Variants in C4orf50 observed in about 807,000 individuals in gnomAD.
The protein encoded by C4orf50 is uncharacterized protein C4orf50.
A neutral mutation model predicts 77.2 loss-of-function variants in C4orf50; 80 were observed. The ratio of observed to expected loss-of-function variants is 1.04; its 90% CI spans 0.87 to 1.25. The LOEUF (loss-of-function observed/expected upper bound fraction) is 1.25, where lower values mean the gene tolerates loss of function less well. Ranked by LOEUF, C4orf50 falls within the 50% of genes most tolerant of loss-of-function variation. The probability of loss-of-function intolerance (pLI) is 0.00; values close to 1 mark genes in which losing one functional copy is unlikely to be tolerated. For missense variants in C4orf50, 1,257 were observed against 1,152.9 expected (o/e 1.09, Z -1.31); for synonymous variants, 532 against 465.3 (o/e 1.14, Z -1.84).
chr4:5,910,132 T>C (rs1716739802), intron 7 of C4orf50, among the ~76,000 whole-genome samples: 1 of 152,156 alleles, frequency 6.6e-6, no homozygotes, highest in African/African-American at 2.4e-5. Context: ...GAGCTGAGAT[T>C]TTATACAAGA....
intron 7 of C4orf50, among the ~76,000 whole-genome samples, chr4:5,907,624 T>C (rs1337165222): frequency 6.6e-6 from 1 of 152,076 alleles, no homozygotes; most frequent in Non-Finnish European, 1.5e-5. Flanking sequence ...TCTGAGGAAA[T>C]CATCCAGAAT....
At chr4:5,966,648 T>C (rs1719584235) in intron 32 of C4orf50, among the ~76,000 whole-genome samples, 1 of 136,618 alleles carries the variant, frequency 7.3e-6, no homozygotes, top group Admixed American at 7.9e-5. Flanking sequence ...AAACATTCCA[T>C]ATCTTAAGAG....
chr4:6,004,348 A>ATGTGGTGG (rs1483893163), intron 25 of C4orf50, among the ~76,000 whole-genome samples: 4 of 97,950 alleles, frequency 4.1e-5, no homozygotes, highest in Non-Finnish European at 6.0e-5. Context: ...GATGGTGATG[A>ATGTGGTGG]TGACGGTGAT....
chr4:5,980,636 G>A (rs1175925467), intron 28 of C4orf50, among the ~76,000 whole-genome samples: 1 of 152,042 alleles, frequency 6.6e-6, no homozygotes, highest in African/African-American at 2.4e-5. Flanking sequence ...GGTGGGTGTT[G>A]GGGAGGGCCT....
rs1209019660 is a variant in C4orf50, at chr4:6,007,463, TC to T, written c.963+532del. Among the ~76,000 whole-genome samples the T allele has an allele frequency of 2.0e-5, 3 of 151,970 alleles. No individual in the cohort carries two copies. Among genetic ancestry groups the T allele is most frequent in the Non-Finnish European group, 2.9e-5 (2 of 68,004 alleles). On this transcript the variant is annotated intron_variant, in intron 25 of 33. Transcript: ENST00000531445. The surrounding 1 kb of genome is among the most constrained non-coding windows in gnomAD (Gnocchi z 4.1). ...CATCTGTGAACCAGGAAGCAGGCCC[TC>T]CCCCAACACCAAATCTGCTGGTGCC... is the stretch of plus-strand genomic sequence containing the variant.
In C4orf50 at chr4:5,900,238, C is replaced by CCCCAGCTGT. The variant is rs1474446592; in HGVS notation, c.*2475-2051_*2475-2050insACAGCTGGG. On this transcript the variant is annotated intron_variant, in intron 7 of 7. Transcript: ENST00000324058. The surrounding 1 kb of genome is among the most constrained non-coding windows in gnomAD (Gnocchi z 4.3). ...TTACTCAATAAATTGCTGAGTAAAA[C>CCCCAGCTGT]AAATAGAAAGGACCCCAGCTGTAAA... The CCCCAGCTGT allele has an allele frequency of 6.6e-6, 1 of 152,162 alleles. No homozygotes were observed. Among genetic ancestry groups the CCCCAGCTGT allele is most frequent in the East Asian group, 1.9e-4 (1 of 5,164 alleles). The allele number at this position is 152,162 out of a possible 1,614,324, so 9.4% of individuals were successfully genotyped here.
chr4:5,928,910 T>A (rs1560546548), intron 7 of C4orf50, among the ~76,000 whole-genome samples: 1 of 152,200 alleles, frequency 6.6e-6, no homozygotes, highest in Non-Finnish European at 1.5e-5. Context: ...ATAATAACAT[T>A]TCTGGGGGGT....
intron 25 of C4orf50, among the ~76,000 whole-genome samples, chr4:5,995,323 T>C (rs1721518840): frequency 6.6e-6 from 1 of 152,058 alleles, no homozygotes; most frequent in South Asian, 2.1e-4. Context: ...GTCAATAAGC[T>C]CCAAATGCGA....
rs1388961009 is a variant in C4orf50, at chr4:6,008,364, G to T, written c.595C>A (p.Arg199=). 1 of 391,770 alleles carries T rather than the reference G, an allele frequency of 2.6e-6. No individual in the cohort carries two copies. The highest frequency in any genetic ancestry group is 3.6e-5 in the East Asian group (1 of 27,428). The allele number at this position is 391,770 out of a possible 1,614,324, so 24.3% of individuals were successfully genotyped here. ...CGCTCCAGCCGCTGCACCTGCTCCCGCAGGACGCGCTCCTGCTCCCGCACC... is the reference window on the plus strand; with the variant it reads ...CGCTCCAGCCGCTGCACCTGCTCCCTCAGGACGCGCTCCTGCTCCCGCACC... Residue 199 remains arginine (R), a synonymous_variant, in exon 25 of 34, where the codon CGG becomes AGG. Coordinates refer to ENST00000531445, the Ensembl canonical transcript of C4orf50. The surrounding 1 kb of genome is among the most constrained non-coding windows in gnomAD (Gnocchi z 6.0).
chr4:5,988,324 G>C, intron 28 of C4orf50, 23 bp downstream of exon 6: 1 of 1,608,070 alleles, frequency 6.2e-7, no homozygotes, highest in East Asian at 2.2e-5. Context: ...TGATGAGTAA[G>C]CAGATATGCA....
At chr4:6,013,157 T>C (rs1722552539) in intron 23 of C4orf50, among the ~76,000 whole-genome samples, 1 of 152,220 alleles carries the variant, frequency 6.6e-6, no homozygotes, top group Admixed American at 6.5e-5. Flanking sequence ...GATGCATTAT[T>C]ATTAATGATA....
exon 28 of C4orf50, chr4:5,989,886 G>C (rs576356786): frequency 7.0e-7 from 1 of 1,436,908 alleles, no homozygotes; most frequent in East Asian, 2.5e-5. Context: ...TGTCCTCCAG[G>C]CTTCCTCCTT....
At chr4:5,990,862 CCTT>C in intron 27 of C4orf50, 38 bp from the exon 6 acceptor site, 1 of 399,046 alleles carries the variant, frequency 2.5e-6, no homozygotes. Context: ...TGAAACAGCC[CCTT>C]CCTCCATTTA....
chr4:5,994,333 C>T lies in C4orf50; in HGVS notation c.1093+14G>A, dbSNP rs146829041. 409 of 399,234 alleles carry T rather than the reference C, an allele frequency of 1.0e-3. 1 individual carries two copies. The highest frequency in any genetic ancestry group is 7.6e-3 in the African/African-American group (370 of 48,760). The allele number at this position is 399,234 out of a possible 1,614,324, so 24.7% of individuals were successfully genotyped here. On this transcript the variant is annotated intron_variant, in intron 26 of 33. Coordinates refer to ENST00000531445, the Ensembl canonical transcript of C4orf50. ...CCCGCGACTCGTCCTCCACGCACCG[C>T]GGTACCCGCGCACCTGCTGGGGCCC...
exon 28 of C4orf50, chr4:5,988,807 T>G: frequency 6.5e-7 from 1 of 1,536,094 alleles, no homozygotes; most frequent in Non-Finnish European, 8.7e-7. Context: ...CCGGATCATG[T>G]CTTCTATTCC....
At chr4:5,993,444 C>A (rs939505066) in intron 26 of C4orf50, among the ~76,000 whole-genome samples, 41 of 152,222 alleles carry the variant, frequency 2.7e-4, no homozygotes, top group Non-Finnish European at 5.3e-4. Flanking sequence ...AAATAAACCA[C>A]AGATGCCCAG....
At chr4:5,969,496 T>A (rs1001612157) in intron 31 of C4orf50, among the ~76,000 whole-genome samples, 2 of 151,298 alleles carry the variant, frequency 1.3e-5, no homozygotes, top group African/African-American at 4.9e-5. Context: ...AAAATGAGCA[T>A]CTTCCTTACT....
In C4orf50 at chr4:5,988,335, G is replaced by T; in HGVS notation, c.3699+12C>A. On this transcript the variant is annotated intron_variant, in intron 28 of 33. Transcript: ENST00000531445. ...TGCGTGATGAGTAAGCAGATATGCA[G>T]ACCCAACCTACCATGGGGCCATTGC... 1 of 1,611,990 alleles carries T rather than the reference G, an allele frequency of 6.2e-7. No homozygotes were observed. Among genetic ancestry groups the T allele is most frequent in the South Asian group, 1.1e-5 (1 of 90,652 alleles).
At chr4:5,959,585 G>A (rs1418663403) in exon 34 of C4orf50, 2 of 1,614,030 alleles carry the variant, frequency 1.2e-6, no homozygotes, top group South Asian at 1.1e-5. Flanking sequence ...CCGCTGCCAG[G>A]CACGTTCCAG....
Sources: gnomAD v4.1 joint callset for allele counts (sites outside exome capture counted in the v4.1 genomes callset) on GRCh38, gnomAD v4.1.1 for gene constraint, Gnocchi (gnomAD v3.1) non-coding constraint, MANE v1.5 for transcripts, NCBI Gene and HGNC (gene_info 2026-07-23, HGNC 2026-07-21) for gene names.